Variants in RAB3C observed in about 807,000 individuals in gnomAD.
The protein encoded by RAB3C is RAB3C, member RAS oncogene family, also known as ras-related protein Rab-3C.
In RAB3C, 17 loss-of-function variants were observed where a neutral mutation model predicts 26.4. That is an observed-to-expected ratio of 0.64 (90% CI 0.44 to 0.97). The LOEUF is 0.97. RAB3C is among the 50% of genes least tolerant of loss of function. The probability of loss-of-function intolerance (pLI) is 0.00; values close to 1 mark genes in which losing one functional copy is unlikely to be tolerated. For synonymous variants in RAB3C, 91 were observed against 95.9 expected (o/e 0.95, Z 0.30); for missense variants, 242 against 281.9 (o/e 0.86, Z 1.01).
intron 2 of RAB3C, among the ~76,000 whole-genome samples, chr5:58,724,261 C>G (rs1456433269): frequency 4.6e-5 from 7 of 151,770 alleles, no homozygotes; most frequent in Middle Eastern, 3.4e-3. Context: ...CTTCATGGAA[C>G]CCTAACAAGC....
intron 3 of RAB3C, among the ~76,000 whole-genome samples, chr5:58,819,879 T>A (rs1743300877): frequency 6.6e-6 from 1 of 152,120 alleles, no homozygotes; most frequent in East Asian, 1.9e-4. Flanking sequence ...AAAAAAACTG[T>A]GACATTGAGA....
At chr5:58,644,497 G>A (rs1473277130) in intron 2 of RAB3C, 1 of 152,136 alleles carries the variant, frequency 6.6e-6, no homozygotes, top group Non-Finnish European at 1.5e-5. Flanking sequence ...GGCACCGGGA[G>A]AAAAAGCCAG....
Position 58,617,417 on chromosome 5 carries a change from A to G in RAB3C, c.25-226A>G, listed in dbSNP as rs910841584. On this transcript the variant is annotated intron_variant, in intron 1 of 4. Coordinates refer to ENST00000282878, the MANE Select transcript of RAB3C (RefSeq NM_138453.4). Reference sequence around the variant, plus strand: ...GAATGCTGAGCAGTGACATGCACCAACACAGCTGGAAAGGCCTGTAAGATT... The same window carrying G: ...GAATGCTGAGCAGTGACATGCACCAGCACAGCTGGAAAGGCCTGTAAGATT... 5 of 730,384 alleles carry G rather than the reference A, an allele frequency of 6.8e-6. No individual in the cohort carries two copies. The African/African-American group carries it at 6.9e-5, about 10-fold the overall frequency. 45.2% of individuals were successfully genotyped at this position (730,384 alleles called of 1,614,324 possible). A position where few individuals can be genotyped will look rare whatever the true frequency, so the allele number is the denominator to read the frequency against.
intron 3 of RAB3C, among the ~76,000 whole-genome samples, chr5:58,805,718 A>G (rs1225997719): frequency 2.0e-5 from 3 of 152,280 alleles, no homozygotes; most frequent in South Asian, 4.1e-4. Context: ...TGATTAACAT[A>G]AAAAGCAGAG....
intron 2 of RAB3C, among the ~76,000 whole-genome samples, chr5:58,644,820 C>T (rs1408986826): frequency 1.3e-5 from 2 of 152,202 alleles, no homozygotes; most frequent in South Asian, 2.1e-4. Flanking sequence ...GCAGGCTTCT[C>T]TGCACTCTAT....
chr5:58,692,706 C>T (rs1291563052), intron 2 of RAB3C, among the ~76,000 whole-genome samples: 2 of 152,022 alleles, frequency 1.3e-5, no homozygotes, highest in African/African-American at 2.4e-5. Context: ...TCTGGCATTG[C>T]TTTTCCATTT....
rs191052115 is a variant in RAB3C, at chr5:58,699,910, G to A, written c.253-26092G>A. On this transcript the variant is annotated intron_variant, in intron 2 of 4. Coordinates refer to ENST00000282878, the MANE Select transcript of RAB3C (RefSeq NM_138453.4). ...TAGGAAAGGGAAATCCCCTGACCCC[G>A]TGTGCTTCCTGGGTGAGGCGATGCC... 3.0e-3 allele frequency among the ~76,000 whole-genome samples: 462 copies of A among 152,322 alleles called. 2 individuals are homozygous for A. The highest frequency in any genetic ancestry group is 0.011 in the African/African-American group (441 of 41,562).
intron 2 of RAB3C, among the ~76,000 whole-genome samples, chr5:58,629,956 A>G (rs1233142335): frequency 6.6e-6 from 1 of 152,160 alleles, no homozygotes; most frequent in Non-Finnish European, 1.5e-5. Flanking sequence ...TATTGTAGAT[A>G]AGGAGGTTGG....
At chr5:58,635,408 G>C (rs952973646) in intron 2 of RAB3C, among the ~76,000 whole-genome samples, 1 of 152,174 alleles carries the variant, frequency 6.6e-6, no homozygotes, top group Admixed American at 6.5e-5. Context: ...CAGTGAATTG[G>C]TGACTTATAA....
rs542800124 is a variant in RAB3C, at chr5:58,839,666, A to G, written c.497-11498A>G. 4.0e-4 allele frequency among the ~76,000 whole-genome samples: 61 copies of G among 152,184 alleles called. 1 individual carries two copies. In the East Asian group the frequency reaches 8.1e-3, roughly 20 times the overall value. ...ATTACAGACATGAGCCACTGCACCC[A>G]GCCTGATTCCTTTCTCTTTTTTCCT... On this transcript the variant is annotated intron_variant, in intron 4 of 4. Transcript: ENST00000282878.
At chr5:58,691,811 A>G (rs1748576180) in intron 2 of RAB3C, among the ~76,000 whole-genome samples, 1 of 152,172 alleles carries the variant, frequency 6.6e-6, no homozygotes, top group Non-Finnish European at 1.5e-5. Flanking sequence ...ATGTCACTGA[A>G]AAAACACACC....
chr5:58,823,939 T>C (rs953356784), intron 3 of RAB3C, among the ~76,000 whole-genome samples: 16 of 143,690 alleles, frequency 1.1e-4, no homozygotes, highest in African/African-American at 4.1e-4. Flanking sequence ...TGTGTTCTCA[T>C]TGTTCAATTC....
chr5:58,797,151 A>G (rs1424693730), intron 3 of RAB3C, among the ~76,000 whole-genome samples: 2 of 151,722 alleles, frequency 1.3e-5, no homozygotes, highest in Non-Finnish European at 2.9e-5. Flanking sequence ...TTCTTCTCCC[A>G]AAGTTCAGGG....
chr5:58,784,334 C>T (rs1742331098), intron 3 of RAB3C, among the ~76,000 whole-genome samples: 1 of 152,140 alleles, frequency 6.6e-6, no homozygotes, highest in South Asian at 2.1e-4. Flanking sequence ...GAAGGCCTCA[C>T]AATCATGGCG....
At chr5:58,734,759 A>C (rs1741099793) in intron 3 of RAB3C, among the ~76,000 whole-genome samples, 1 of 152,138 alleles carries the variant, frequency 6.6e-6, no homozygotes, top group Non-Finnish European at 1.5e-5. Context: ...CTGCACACCC[A>C]GTTCTTCAAA....
chr5:58,613,198 C>A (rs1167860822), intron 1 of RAB3C, among the ~76,000 whole-genome samples: 1 of 152,078 alleles, frequency 6.6e-6, no homozygotes, highest in Admixed American at 6.6e-5. Context: ...AATGACACAA[C>A]AATTAAATCC....
chr5:58,771,849 C>CT (rs540125417), intron 3 of RAB3C, among the ~76,000 whole-genome samples: 8,509 of 131,846 alleles, frequency 0.065, 335 homozygotes, highest in African/African-American at 0.13. Context: ...TTTTCTTTTT[C>CT]TTTTTTTTTT....
chr5:58,714,706 GT>G (rs747156504), intron 2 of RAB3C, among the ~76,000 whole-genome samples: 5 of 151,774 alleles, frequency 3.3e-5, no homozygotes, highest in East Asian at 3.9e-4. Context: ...GATATTGCTT[GT>G]TTTTTTTAAA....
intron 2 of RAB3C, among the ~76,000 whole-genome samples, chr5:58,689,089 C>A (rs536011305): frequency 1.3e-5 from 2 of 152,126 alleles, no homozygotes; most frequent in East Asian, 3.9e-4. Context: ...TTCCATTTTT[C>A]CAAATAGAAA....
Sources: gnomAD v4.1 joint callset for allele counts (sites outside exome capture counted in the v4.1 genomes callset) on GRCh38, gnomAD v4.1.1 for gene constraint, MANE v1.5 for transcripts, NCBI Gene and HGNC (gene_info 2026-07-23, HGNC 2026-07-21) for gene names.